The following TEX9 variants were observed in gnomAD, a reference collection of about 807,000 sequenced individuals.
TEX9 encodes testis expressed 9.
TEX9 carries 74 observed loss-of-function variants against 59.6 expected under a neutral mutation model. The observed-to-expected ratio is 1.24, with a 90% CI of 1.03 to 1.51. The LOEUF is 1.51. Ranked by LOEUF, TEX9 falls within the 40% of genes most tolerant of loss-of-function variation. TEX9 has a pLI of 0.00. For missense variants in TEX9, 522 were observed against 447.8 expected (o/e 1.17, Z -1.49); for synonymous variants, 186 against 152.2 (o/e 1.22, Z -1.64).
At chr15:56,338,988 A>G (rs2046312151) in intron 1 of TEX9, among the ~76,000 whole-genome samples, 1 of 152,106 alleles carries the variant, frequency 6.6e-6, no homozygotes, top group Admixed American at 6.5e-5. Context: ...GTGTGCATGT[A>G]TTTTACAAAA....
At chr15:56,398,806 T>C (rs2048613885) in intron 9 of TEX9, among the ~76,000 whole-genome samples, 1 of 152,064 alleles carries the variant, frequency 6.6e-6, no homozygotes, top group African/African-American at 2.4e-5. Flanking sequence ...ATTTTTTGAG[T>C]GCCATATGCC....
intron 12 of TEX9, chr15:56,444,360 C>G (rs576538398): frequency 8.6e-6 from 10 of 1,166,160 alleles, no homozygotes; most frequent in Admixed American, 2.5e-5. Context: ...AGGCACTGTT[C>G]TAGGTGCTTC....
chr15:56,366,283 C>A (rs1306960003), intron 2 of TEX9, among the ~76,000 whole-genome samples: 1 of 152,176 alleles, frequency 6.6e-6, no homozygotes, highest in Non-Finnish European at 1.5e-5. Context: ...ACAGTAGTTT[C>A]CTGTTGCATT....
At chr15:56,260,382 C>A (rs1272238422) in intron 1 of TEX9, among the ~76,000 whole-genome samples, 1 of 152,036 alleles carries the variant, frequency 6.6e-6, no homozygotes, top group Admixed American at 6.6e-5. Context: ...TAAACTTTAT[C>A]ATATTAAAAA....
intron 12 of TEX9, among the ~76,000 whole-genome samples, chr15:56,445,009 C>T (rs1373835721): frequency 6.6e-6 from 1 of 151,986 alleles, no homozygotes; most frequent in Non-Finnish European, 1.5e-5. Flanking sequence ...TCTTATTATT[C>T]TATTTATAAA....
chr15:56,346,556 T>C (rs2046473748), intron 1 of TEX9, among the ~76,000 whole-genome samples: 1 of 152,186 alleles, frequency 6.6e-6, no homozygotes, highest in African/African-American at 2.4e-5. Context: ...TCTTGAGTCT[T>C]CTAACCCATT....
the TEX9 span, among the ~76,000 whole-genome samples, chr15:56,453,067 A>C: frequency 1.3e-5 from 2 of 152,158 alleles, no homozygotes; most frequent in Non-Finnish European, 2.9e-5. Flanking sequence ...TTTTTATTAC[A>C]GATATTACAG....
intron 1 of TEX9, among the ~76,000 whole-genome samples, chr15:56,331,074 A>G (rs983607711): frequency 1.3e-5 from 2 of 152,234 alleles, no homozygotes; most frequent in African/African-American, 4.8e-5. Flanking sequence ...TTATGTAAAG[A>G]TACAAGGGTC....
rs1489167087 is a variant in TEX9, at chr15:56,375,054, G to A, written c.183+1550G>A. ...TGATATATTGATTTCTGGGTCAAAT[G>A]GTATTTCTAGTTCTAGATCCCTGAG... On this transcript the variant is annotated intron_variant, in intron 3 of 12. Coordinates refer to ENST00000352903, the Ensembl canonical transcript of TEX9. Among the ~76,000 whole-genome samples, 2 of 152,254 alleles carry A rather than the reference G, an allele frequency of 1.3e-5. 1 individual carries two copies. The highest frequency in any genetic ancestry group is 4.2e-4 in the South Asian group (2 of 4,816).
At chr15:56,370,612 A>G (rs1426071) in intron 2 of TEX9, among the ~76,000 whole-genome samples, 151,932 of 152,326 alleles carry the variant, frequency 1, 75,771 homozygotes, top group Admixed American at 1. Context: ...TTAGAATGTC[A>G]GAAATGTTAA....
intron 1 of TEX9, among the ~76,000 whole-genome samples, chr15:56,336,933 C>T (rs1244759394): frequency 6.6e-6 from 1 of 152,158 alleles, no homozygotes; most frequent in Admixed American, 6.5e-5. Context: ...AAGTGTTTGA[C>T]ACTCCCAGCA....
intron 6 of TEX9, among the ~76,000 whole-genome samples, chr15:56,390,063 G>A (rs1467941304): frequency 1.3e-5 from 2 of 151,126 alleles, no homozygotes; most frequent in Non-Finnish European, 3.0e-5. Context: ...TCACTTTTGT[G>A]TCTTAATTGT....
intron 2 of TEX9, 26 bp from the exon 3 acceptor site, chr15:56,373,415 A>G (rs369803036): frequency 7.6e-6 from 12 of 1,586,406 alleles, no homozygotes; most frequent in African/African-American, 2.7e-5. Context: ...GATCTTCAGT[A>G]TATCCCAATT....
intron 6 of TEX9, among the ~76,000 whole-genome samples, chr15:56,389,695 GT>G (rs36000868): frequency 0.35 from 51,836 of 148,862 alleles, 10,371 homozygotes; most frequent in Non-Finnish European, 0.45. Flanking sequence ...CTACAACTGG[GT>G]TTTTTTTTTA....
At chr15:56,403,991 T>G (rs540490075) in intron 9 of TEX9, among the ~76,000 whole-genome samples, 1 of 152,302 alleles carries the variant, frequency 6.6e-6, no homozygotes, top group South Asian at 2.1e-4. Context: ...TCAAGATGGA[T>G]TAAAGACTTA....
intron 1 of TEX9, among the ~76,000 whole-genome samples, chr15:56,281,874 G>T (rs1967562): frequency 0.019 from 2,956 of 152,204 alleles, 38 homozygotes; most frequent in Non-Finnish European, 0.03. Flanking sequence ...TTCATCCAGG[G>T]ATGATTAGAT....
At chr15:56,386,338 T>G (rs1471939015) in intron 4 of TEX9, among the ~76,000 whole-genome samples, 1 of 151,962 alleles carries the variant, frequency 6.6e-6, no homozygotes. Context: ...ACTCTCTGTC[T>G]TGGTGGTTGT....
chr15:56,334,598 A>AG (rs1303498818), intron 1 of TEX9, among the ~76,000 whole-genome samples: 1 of 152,166 alleles, frequency 6.6e-6, no homozygotes, highest in African/African-American at 2.4e-5. Context: ...TTGGGCAAAA[A>AG]TTTCTTGAGT....
intron 1 of TEX9, among the ~76,000 whole-genome samples, chr15:56,348,179 G>A (rs557500032): frequency 5.9e-5 from 9 of 152,064 alleles, no homozygotes; most frequent in Non-Finnish European, 1.2e-4. Flanking sequence ...ACAACTCAAT[G>A]TGAATATAAA....
Sources: allele counts gnomAD v4.1 joint callset (sites outside exome capture counted in the v4.1 genomes callset), GRCh38; gene constraint gnomAD v4.1.1; transcripts MANE v1.5; gene names NCBI Gene and HGNC (gene_info 2026-07-23, HGNC 2026-07-21).